Variants in EDIL3 observed in about 807,000 individuals in gnomAD.
EDIL3 encodes the protein EGF like and discoidin domains 3, also known as EGF-like repeat and discoidin I-like domain-containing protein 3.
Under a neutral mutation model 67.4 loss-of-function variants are expected in EDIL3, and 37 were observed. The ratio of observed to expected loss-of-function variants is 0.55; its 90% CI spans 0.42 to 0.72. The LOEUF is 0.72. Ranked by LOEUF, EDIL3 falls within the 30% of genes least tolerant of loss-of-function variation. EDIL3 has a pLI of 0.00. For missense variants in EDIL3, 527 were observed against 586.3 expected (o/e 0.90, Z 1.04); for synonymous variants, 195 against 196.3 (o/e 0.99, Z 0.05).
At chr5:84,276,826 C>G (rs1398799162) in intron 1 of EDIL3, among the ~76,000 whole-genome samples, 1 of 152,084 alleles carries the variant, frequency 6.6e-6, no homozygotes, top group African/African-American at 2.4e-5. Flanking sequence ...CCCGCCTAGG[C>G]CTCCCAAAGT....
At chr5:83,986,885 A>G (rs528359814) in intron 9 of EDIL3, among the ~76,000 whole-genome samples, 1 of 152,204 alleles carries the variant, frequency 6.6e-6, no homozygotes, top group Non-Finnish European at 1.5e-5. Context: ...ATGTGGCTGG[A>G]GCACACAAGA....
chr5:83,958,730 A>C (rs1439867596), intron 10 of EDIL3, among the ~76,000 whole-genome samples: 1 of 151,460 alleles, frequency 6.6e-6, no homozygotes, highest in Non-Finnish European at 1.5e-5. Context: ...ACTTTGGCTT[A>C]TAACCTGAAA....
At chr5:83,950,709 G>A (rs1376324044) in intron 10 of EDIL3, among the ~76,000 whole-genome samples, 1 of 151,680 alleles carries the variant, frequency 6.6e-6, no homozygotes, top group Non-Finnish European at 1.5e-5. Context: ...AACCTAATAA[G>A]CATATCAAAC....
chr5:84,324,565 T>C (rs1746711598), intron 1 of EDIL3, among the ~76,000 whole-genome samples: 1 of 151,466 alleles, frequency 6.6e-6, no homozygotes, highest in African/African-American at 2.4e-5. Context: ...CAGTAAAGGT[T>C]ATAGCAGAAA....
intron 3 of EDIL3, among the ~76,000 whole-genome samples, chr5:84,220,041 T>G: frequency 6.6e-6 from 1 of 152,088 alleles, no homozygotes; most frequent in East Asian, 1.9e-4. Flanking sequence ...GATCTAAAGT[T>G]GGATAGCACA....
At chr5:84,192,746 C>T (rs1043831951) in intron 3 of EDIL3, among the ~76,000 whole-genome samples, 9 of 151,836 alleles carry the variant, frequency 5.9e-5, no homozygotes, top group African/African-American at 1.7e-4. Flanking sequence ...TCTTGTGAAA[C>T]GTCAGTAAAC....
intron 1 of EDIL3, among the ~76,000 whole-genome samples, chr5:84,316,215 T>C (rs1012800579): frequency 6.6e-6 from 1 of 152,028 alleles, no homozygotes; most frequent in African/African-American, 2.4e-5. Context: ...ATGGGCAAAA[T>C]AGCCAGCTAG....
chr5:84,039,249 C>A (rs544115465), intron 9 of EDIL3, among the ~76,000 whole-genome samples: 1 of 152,038 alleles, frequency 6.6e-6, no homozygotes, highest in South Asian at 2.1e-4. Flanking sequence ...TTCCTGGTAA[C>A]TTTAACCCAT....
chr5:83,994,807 G>C (rs998383823), intron 9 of EDIL3, among the ~76,000 whole-genome samples: 1 of 152,132 alleles, frequency 6.6e-6, no homozygotes, highest in Non-Finnish European at 1.5e-5. Context: ...GGAATTGCTT[G>C]ATCAAAATTA....
chr5:83,987,045 G>C (rs1204313337), intron 9 of EDIL3, among the ~76,000 whole-genome samples: 1 of 152,078 alleles, frequency 6.6e-6, no homozygotes, highest in African/African-American at 2.4e-5. Context: ...TAAAAATAAA[G>C]GTAATTAGGT....
At chr5:84,340,503 ACTCTCTCTCTCT>A (rs1170972212) in intron 1 of EDIL3, among the ~76,000 whole-genome samples, 42 of 38,700 alleles carry the variant, frequency 1.1e-3, no homozygotes, top group African/African-American at 4.3e-3. Flanking sequence ...AGGGAAGATT[ACTCTCTCTCTCT>A]CTCTCTCTCT....
In EDIL3 at chr5:83,947,363, CTGTGTCTGTGTGTGTGTGTG is replaced by C. The variant is rs1158686360; in HGVS notation, c.1294-3815_1294-3796del. Among the ~76,000 whole-genome samples the C allele has an allele frequency of 1.8e-3, 223 of 126,654 alleles. 1 individual carries two copies. The highest frequency in any genetic ancestry group is 3.7e-3 in the South Asian group (13 of 3,516). The allele number at this position is 126,654 out of a possible 152,430, so 83.1% of individuals were successfully genotyped here. A position where few individuals can be genotyped will look rare whatever the true frequency, so the allele number is the denominator to read the frequency against. On this transcript the variant is annotated intron_variant, in intron 10 of 10. Transcript: ENST00000296591. ...TAGGGCAGCATGTATGTGTCTGTGT[CTGTGTCTGTGTGTGTGTGTG>C]TGTGTGTGTGTGTGTGTGTGTGCAG...
At chr5:84,141,878 A>C (rs1200625205) in intron 4 of EDIL3, among the ~76,000 whole-genome samples, 4 of 146,576 alleles carry the variant, frequency 2.7e-5, no homozygotes, top group Non-Finnish European at 6.0e-5. Context: ...CGCTGTGAGA[A>C]GCCTACTCCA....
intron 5 of EDIL3, among the ~76,000 whole-genome samples, chr5:84,133,374 T>C (rs556131552): frequency 8.3e-4 from 125 of 150,410 alleles, no homozygotes; most frequent in African/African-American, 2.8e-3. Context: ...TGTAATCCCA[T>C]TACTTTGGGA....
rs1267797967 is a variant in EDIL3 at position 83,941,371 on chromosome 5, A to C, written c.*2048T>G. ...AAATATTTTTAAAACAGGTATCAAT[A>C]GAAAAAATTACAAAACATCATATGA... On this transcript the variant is annotated 3_prime_UTR_variant, in exon 11 of 11. Coordinates refer to ENST00000296591, the MANE Select transcript of EDIL3 (RefSeq NM_005711.5). 1 of 152,088 alleles carries C rather than the reference A, an allele frequency of 6.6e-6. No individual in the cohort carries two copies. Among genetic ancestry groups the C allele is most frequent in the Non-Finnish European group, 1.5e-5 (1 of 67,932 alleles). 9.4% of individuals were successfully genotyped at this position (152,088 alleles called of 1,614,324 possible).
At chr5:84,057,784 T>A (rs1470217072) in intron 9 of EDIL3, among the ~76,000 whole-genome samples, 1 of 152,128 alleles carries the variant, frequency 6.6e-6, no homozygotes, top group African/African-American at 2.4e-5. Flanking sequence ...TTTGAATGAA[T>A]CATTCATTTA....
At chr5:84,106,423 C>T (rs1747461550) in intron 6 of EDIL3, among the ~76,000 whole-genome samples, 1 of 151,990 alleles carries the variant, frequency 6.6e-6, no homozygotes, top group South Asian at 2.1e-4. Context: ...GATATTTATA[C>T]CTGAATATTT....
At chr5:84,132,320 A>T (rs1268861653) in intron 5 of EDIL3, among the ~76,000 whole-genome samples, 7 of 82,252 alleles carry the variant, frequency 8.5e-5, no homozygotes, top group South Asian at 6.2e-4. Flanking sequence ...TATTATATAT[A>T]TTTTATATAA....
chr5:84,082,948 TA>T, intron 6 of EDIL3, among the ~76,000 whole-genome samples: 1 of 152,304 alleles, frequency 6.6e-6, no homozygotes, highest in South Asian at 2.1e-4. Context: ...CAATATTCCG[TA>T]ATCTCTTAAC....
Sources: gnomAD v4.1 joint callset for allele counts (sites outside exome capture counted in the v4.1 genomes callset) on GRCh38, gnomAD v4.1.1 for gene constraint, MANE v1.5 for transcripts, NCBI Gene and HGNC (gene_info 2026-07-23, HGNC 2026-07-21) for gene names.